NTM: variants seen among roughly 807,000 people sequenced by gnomAD.
NTM encodes the protein IgLON family member 2.
NTM carries 13 observed loss-of-function variants against 42.1 expected under a neutral mutation model. The observed-to-expected ratio is 0.31, with a 90% CI of 0.20 to 0.49. NTM has a LOEUF of 0.49. Among genes scored for constraint, NTM ranks in the 20% least tolerant of loss-of-function variants. The probability of loss-of-function intolerance (pLI) is 0.99; values close to 1 mark genes in which losing one functional copy is unlikely to be tolerated. For synonymous variants in NTM, 187 were observed against 179.2 expected, an observed-to-expected ratio of 1.04 and a Z score of -0.35; for missense variants, 373 against 452.8, an observed-to-expected ratio of 0.82 and a Z score of 1.60.
intron 2 of NTM, among the ~76,000 whole-genome samples, chr11:131,955,906 G>A (rs1486129133): frequency 3.3e-5 from 5 of 152,224 alleles, no homozygotes; most frequent in Non-Finnish European, 7.3e-5. Flanking sequence ...CTGGGGCAAA[G>A]CAGCCCCTGG....
At chr11:131,740,921 A>G (rs182215186) in intron 1 of NTM, among the ~76,000 whole-genome samples, 20 of 152,154 alleles carry the variant, frequency 1.3e-4, no homozygotes, top group Admixed American at 2.6e-4. Context: ...TAATCCCAGC[A>G]CTTTGGGAGG....
At chr11:131,787,619 C>T (rs1404056839) in intron 1 of NTM, among the ~76,000 whole-genome samples, 12 of 152,024 alleles carry the variant, frequency 7.9e-5, no homozygotes, top group Admixed American at 7.9e-4. Flanking sequence ...CTCTTGACCT[C>T]GTGATCCACC....
intron 2 of NTM, among the ~76,000 whole-genome samples, chr11:131,954,517 G>A (rs2061362114): frequency 6.6e-6 from 1 of 152,218 alleles, no homozygotes; most frequent in South Asian, 2.1e-4. Flanking sequence ...TACAGCAGGA[G>A]GATGTACATT....
chr11:132,095,856 A>G (rs1248425543), intron 2 of NTM, among the ~76,000 whole-genome samples: 1 of 152,180 alleles, frequency 6.6e-6, no homozygotes, highest in Non-Finnish European at 1.5e-5. Context: ...AGCCCTGCCT[A>G]ATGACCAGGA....
intron 3 of NTM, 190 bp from the exon 4 acceptor site, chr11:132,211,832 A>G (rs902029468): frequency 4.7e-6 from 2 of 428,060 alleles, no homozygotes; most frequent in African/African-American, 4.2e-5. Context: ...TTGTGTTTAA[A>G]TAGGAGGAAA....
At chr11:132,024,810 C>G (rs1483313038) in intron 2 of NTM, among the ~76,000 whole-genome samples, 1 of 152,140 alleles carries the variant, frequency 6.6e-6, no homozygotes, top group Non-Finnish European at 1.5e-5. Flanking sequence ...CCTTAGTCCT[C>G]TTACTCATTT....
chr11:131,996,970 C>G (rs2068170687), intron 2 of NTM, among the ~76,000 whole-genome samples: 1 of 152,210 alleles, frequency 6.6e-6, no homozygotes, highest in Admixed American at 6.5e-5. Flanking sequence ...CTACCTTTCT[C>G]TCCTTCCCAG....
Position 131,561,008 on chromosome 11 carries a change from TG to T in NTM, c.82+190122del, listed in dbSNP as rs2056157002. Among the ~76,000 whole-genome samples, 3 of 152,344 alleles carry T rather than the reference TG, an allele frequency of 2.0e-5. No individual in the cohort carries two copies. The South Asian group carries it at 6.2e-4, about 32-fold the overall frequency. On this transcript the variant is annotated intron_variant, in intron 1 of 8. Transcript: ENST00000683400. Reference sequence around the variant, plus strand: ...TTCCGGGTGGCGTGCAAGATCACCCTGGACCTTCGTCTCTCAGAAAAGCCAG... The same window carrying T: ...TTCCGGGTGGCGTGCAAGATCACCCTGACCTTCGTCTCTCAGAAAAGCCAG...
At chr11:132,267,623 C>T (rs1297309883) in intron 4 of NTM, among the ~76,000 whole-genome samples, 1 of 151,874 alleles carries the variant, frequency 6.6e-6, no homozygotes, top group Non-Finnish European at 1.5e-5. Context: ...CAAGACCAGC[C>T]TGGCTGAAAT....
intron 1 of NTM, among the ~76,000 whole-genome samples, chr11:131,483,847 G>A (rs1230722706): frequency 1.3e-5 from 2 of 152,246 alleles, no homozygotes; most frequent in Non-Finnish European, 2.9e-5. Flanking sequence ...GGTCCAGGTA[G>A]AGGCAGGACA....
At chr11:131,857,676 C>G (rs977000646) in intron 1 of NTM, among the ~76,000 whole-genome samples, 2 of 152,174 alleles carry the variant, frequency 1.3e-5, no homozygotes, top group South Asian at 4.1e-4. Flanking sequence ...TCTCCCTCAC[C>G]CTCACTAAAT....
At chr11:131,989,830 A>G (rs941314269) in intron 2 of NTM, among the ~76,000 whole-genome samples, 5 of 152,122 alleles carry the variant, frequency 3.3e-5, no homozygotes, top group African/African-American at 1.2e-4. Context: ...TTCAGAGGGA[A>G]AAGAATGGTA....
intron 1 of NTM, among the ~76,000 whole-genome samples, chr11:131,807,261 G>C (rs753466174): frequency 9.2e-5 from 14 of 152,214 alleles, no homozygotes; most frequent in Non-Finnish European, 1.3e-4. Context: ...ATTTGATAGG[G>C]AATGGGAGCT....
intron 1 of NTM, among the ~76,000 whole-genome samples, chr11:131,741,798 G>A (rs985222322): frequency 7.9e-5 from 12 of 152,170 alleles, no homozygotes; most frequent in African/African-American, 2.9e-4. Flanking sequence ...GTAGAGCAGA[G>A]GACTGTCGAA....
chr11:131,576,567 C>T (rs1321402741), intron 1 of NTM, among the ~76,000 whole-genome samples: 1 of 152,162 alleles, frequency 6.6e-6, no homozygotes, highest in African/African-American at 2.4e-5. Flanking sequence ...TTCACACCAA[C>T]CCTTCAACGA....
intron 3 of NTM, among the ~76,000 whole-genome samples, chr11:132,177,530 A>G (rs1045094806): frequency 3.3e-5 from 5 of 152,230 alleles, no homozygotes. Flanking sequence ...CACTTTGCTA[A>G]AAATGAAGGT....
chr11:131,921,585 C>A (rs7105351), intron 2 of NTM, among the ~76,000 whole-genome samples: 36,561 of 151,948 alleles, frequency 0.24, 5,086 homozygotes, highest in South Asian at 0.42. Context: ...GATACTGGAA[C>A]ATTTGCATAT....
intron 1 of NTM, among the ~76,000 whole-genome samples, chr11:131,518,867 C>G (rs563293964): frequency 3.3e-5 from 5 of 152,262 alleles, no homozygotes; most frequent in Non-Finnish European, 5.9e-5. Context: ...CATAGATACC[C>G]GACCTTAATA....
chr11:131,497,142 A>G (rs1283721660), intron 1 of NTM, among the ~76,000 whole-genome samples: 3 of 152,140 alleles, frequency 2.0e-5, no homozygotes, highest in Admixed American at 6.5e-5. Context: ...CTGCCTGTCT[A>G]TCCGTGCCCC....
Sources: allele counts gnomAD v4.1 joint callset (sites outside exome capture counted in the v4.1 genomes callset), GRCh38; gene constraint gnomAD v4.1.1; transcripts MANE v1.5; gene names NCBI Gene and HGNC (gene_info 2026-07-23, HGNC 2026-07-21).